The following UNC13C variants were observed in gnomAD, a reference collection of about 807,000 sequenced individuals.
UNC13C encodes the protein unc-13 homolog C.
UNC13C carries 174 observed loss-of-function variants against 245.4 expected under a neutral mutation model. The ratio of observed to expected loss-of-function variants is 0.71; its 90% CI spans 0.63 to 0.80. UNC13C has a LOEUF of 0.80. Among genes scored for constraint, UNC13C ranks in the 30% least tolerant of loss-of-function variants. The pLI, the probability that UNC13C is intolerant of heterozygous loss-of-function variation, is 0.00. For missense variants in UNC13C, 2,829 were observed against 2,602.9 expected, an observed-to-expected ratio of 1.09 and a Z score of -1.89; for synonymous variants, 992 against 895.1, an observed-to-expected ratio of 1.11 and a Z score of -1.93.
At chr15:54,282,181 A>G (rs1358849869) in intron 10 of UNC13C, among the ~76,000 whole-genome samples, 1 of 152,196 alleles carries the variant, frequency 6.6e-6, no homozygotes, top group Non-Finnish European at 1.5e-5. Flanking sequence ...TTAGGTAACT[A>G]CTGTAAAAAA....
At chr15:53,870,610 G>A in the UNC13C span, among the ~76,000 whole-genome samples, 3 of 151,956 alleles carry the variant, frequency 2.0e-5, no homozygotes, top group Non-Finnish European at 2.9e-5. Flanking sequence ...TGTAGTTTTG[G>A]GCTTCTGTTA....
intron 8 of UNC13C, among the ~76,000 whole-genome samples, chr15:54,251,315 T>C (rs958142323): frequency 6.6e-6 from 1 of 152,130 alleles, no homozygotes; most frequent in South Asian, 2.1e-4. Flanking sequence ...TTTGAGAAAA[T>C]ATTTTAACTT....
intron 2 of UNC13C, among the ~76,000 whole-genome samples, chr15:54,064,298 A>C (rs768178259): frequency 6.6e-6 from 1 of 152,204 alleles, no homozygotes; most frequent in East Asian, 1.9e-4. Context: ...AAATAGACCT[A>C]CTGGCTCTGC....
At chr15:53,926,888 G>A in the UNC13C span, among the ~76,000 whole-genome samples, 1 of 152,186 alleles carries the variant, frequency 6.6e-6, no homozygotes, top group Non-Finnish European at 1.5e-5. Context: ...CTATAGCTCT[G>A]CCCTTATGTG....
the UNC13C span, among the ~76,000 whole-genome samples, chr15:53,951,569 G>A: frequency 6.6e-6 from 1 of 152,180 alleles, no homozygotes; most frequent in African/African-American, 2.4e-5. Flanking sequence ...CATAGGTATT[G>A]GTCTCCTAAT....
intron 4 of UNC13C, among the ~76,000 whole-genome samples, chr15:54,226,158 G>A (rs192414476): frequency 6.6e-6 from 1 of 152,182 alleles, no homozygotes; most frequent in Non-Finnish European, 1.5e-5. Context: ...ATGAAGCCAA[G>A]TTGATTGTCA....
At position 54,373,300 on chromosome 15, in the gene UNC13C, G is replaced by A. The variant is rs138372856; in HGVS notation, c.4714-19748G>A. Among the ~76,000 whole-genome samples, 88 of 152,298 alleles carry A rather than the reference G, an allele frequency of 5.8e-4. No homozygotes were observed. The East Asian group carries it at 0.015, about 27-fold the overall frequency. On this transcript the variant is annotated intron_variant, in intron 17 of 32. Transcript: ENST00000260323. ...TAGCCAGAAAACTTTGTGGCCAGTG[G>A]CACCTTTGCCTGAGTTTTGCTCGAG...
chr15:54,200,822 G>T (rs2034499399), intron 4 of UNC13C, among the ~76,000 whole-genome samples: 1 of 151,858 alleles, frequency 6.6e-6, no homozygotes, highest in Non-Finnish European at 1.5e-5. Flanking sequence ...ACAAAGATCA[G>T]AGCAGAACTA....
At chr15:54,452,248 C>T (rs541496989) in intron 19 of UNC13C, among the ~76,000 whole-genome samples, 12 of 152,294 alleles carry the variant, frequency 7.9e-5, no homozygotes, top group Admixed American at 5.2e-4. Flanking sequence ...TCTTGGGTCT[C>T]CACTTGGTTT....
chr15:54,390,172 A>G (rs1056907027), intron 17 of UNC13C, among the ~76,000 whole-genome samples: 1 of 152,236 alleles, frequency 6.6e-6, no homozygotes, highest in Non-Finnish European at 1.5e-5. Flanking sequence ...AAAGTATTGT[A>G]TAAGTTCCAC....
intron 30 of UNC13C, among the ~76,000 whole-genome samples, chr15:54,569,733 A>G (rs1489673378): frequency 6.6e-6 from 1 of 152,078 alleles, no homozygotes; most frequent in Non-Finnish European, 1.5e-5. Flanking sequence ...CTCACTGACA[A>G]TATAATTGGT....
At chr15:54,446,129 TC>T (rs972078794) in intron 19 of UNC13C, among the ~76,000 whole-genome samples, 30 of 152,204 alleles carry the variant, frequency 2.0e-4, no homozygotes. Context: ...TTCTGAGGGC[TC>T]TGTTCTGTTC....
chr15:54,537,182 A>G (rs1896022500), intron 26 of UNC13C, among the ~76,000 whole-genome samples: 1 of 152,140 alleles, frequency 6.6e-6, no homozygotes, highest in African/African-American at 2.4e-5. Flanking sequence ...ATGCACCAAC[A>G]GCATCCAAAC....
Position 54,050,686 on chromosome 15 carries a change from C to T in UNC13C, c.2983+34800C>T, listed in dbSNP as rs1897238341. ...CTCTTATACTCAAACTCTTTGGAAA[C>T]CGGTGAAGATCTATAGGGTAAATAT... On this transcript the variant is annotated intron_variant, in intron 2 of 32. Transcript: ENST00000260323. The T allele has an allele frequency of 1.8e-4, 93 of 530,232 alleles. 5 individuals are homozygous for T. Among genetic ancestry groups the T allele is most frequent in the South Asian group, 1.4e-3 (90 of 65,620 alleles). The allele number at this position is 530,232 out of a possible 1,614,324, so 32.8% of individuals were successfully genotyped here.
At chr15:54,276,320 T>C (rs1163702253) in intron 10 of UNC13C, among the ~76,000 whole-genome samples, 1 of 152,092 alleles carries the variant, frequency 6.6e-6, no homozygotes, top group Non-Finnish European at 1.5e-5. Flanking sequence ...CAATAAACAG[T>C]TGAAGAAAAA....
chr15:54,087,090 CTTCTAGCACTGGACA>C (rs1316180697), intron 2 of UNC13C, among the ~76,000 whole-genome samples: 2 of 152,120 alleles, frequency 1.3e-5, no homozygotes, highest in Non-Finnish European at 2.9e-5. Context: ...ATTTTCCTGT[CTTCTAGCACTGGACA>C]TTGAACATAC....
intron 19 of UNC13C, among the ~76,000 whole-genome samples, chr15:54,469,823 T>C (rs944389171): frequency 7.3e-5 from 11 of 151,482 alleles, no homozygotes; most frequent in African/African-American, 2.7e-4. Flanking sequence ...TAGCCATCCT[T>C]ATATTGTTCC....
At chr15:54,485,240 G>A (rs1294582549) in intron 19 of UNC13C, among the ~76,000 whole-genome samples, 1 of 152,156 alleles carries the variant, frequency 6.6e-6, no homozygotes. Flanking sequence ...AAAGAAACTG[G>A]ATACAATCTT....
intron 29 of UNC13C, among the ~76,000 whole-genome samples, chr15:54,566,309 A>C (rs1897511137): frequency 6.6e-6 from 1 of 152,086 alleles, no homozygotes; most frequent in Admixed American, 6.6e-5. Flanking sequence ...ATATTTTTTC[A>C]TCCATTAAGG....
Sources: gnomAD v4.1 joint callset for allele counts (sites outside exome capture counted in the v4.1 genomes callset) on GRCh38, gnomAD v4.1.1 for gene constraint, MANE v1.5 for transcripts, NCBI Gene and HGNC (gene_info 2026-07-23, HGNC 2026-07-21) for gene names.